FNIP1: variants seen among roughly 807,000 people sequenced by gnomAD.
FNIP1 encodes folliculin-interacting protein 1.
A neutral mutation model predicts 124.5 loss-of-function variants in FNIP1; 40 were observed. The observed-to-expected ratio is 0.32, with a 90% CI of 0.25 to 0.42. The LOEUF (loss-of-function observed/expected upper bound fraction) is 0.42. Ranked by LOEUF, FNIP1 falls within the 10% of genes least tolerant of loss-of-function variation. The probability of loss-of-function intolerance (pLI) is 1.00; values close to 1 mark genes in which losing one functional copy is unlikely to be tolerated. For synonymous variants in FNIP1, 472 were observed against 470.6 expected, an observed-to-expected ratio of 1.00 and a Z score of -0.04; for missense variants, 1,176 against 1,403.7, an observed-to-expected ratio of 0.84 and a Z score of 2.59.
Position 131,671,933 on chromosome 5 carries a change from T to C in FNIP1, c.2511A>G (p.Glu837=). ...SDPESMSLFD[E]YFNDDSIETR... ...TTTCGATTGAATCATCATTAAAATA[T>C]TCGTCGAATAAGCTCATGCTTTCTG... The change falls in exon 14 of 18, where the codon GAA becomes GAG. Residue 837 remains glutamate (E), a synonymous_variant. Transcript: ENST00000510461. 1 of 1,614,240 alleles carries C rather than the reference T, an allele frequency of 6.2e-7. No homozygotes were observed. Among genetic ancestry groups the C allele is most frequent in the Non-Finnish European group, 8.5e-7 (1 of 1,180,040 alleles).
At chr5:131,673,057 T>G in intron 13 of FNIP1, 133 bp from the exon 14 acceptor site, 1 of 652,092 alleles carries the variant, frequency 1.5e-6, no homozygotes, top group Non-Finnish European at 2.4e-6. Flanking sequence ...TTTTGTTTTT[T>G]TTTTTTTTGA....
intron 10 of FNIP1, among the ~76,000 whole-genome samples, chr5:131,700,546 G>A (rs1281810542): frequency 6.6e-6 from 1 of 152,098 alleles, no homozygotes; most frequent in African/African-American, 2.4e-5. Flanking sequence ...AGTGAAACAC[G>A]CTTTATGTTT....
At chr5:131,699,223 A>T (rs1405878218) in intron 10 of FNIP1, among the ~76,000 whole-genome samples, 1 of 152,104 alleles carries the variant, frequency 6.6e-6, no homozygotes, top group East Asian at 1.9e-4. Flanking sequence ...GACTGTTTTC[A>T]ATCTCTTATT....
intron 3 of FNIP1, among the ~76,000 whole-genome samples, chr5:131,728,093 T>C (rs1769948041): frequency 6.6e-6 from 1 of 152,206 alleles, no homozygotes; most frequent in African/African-American, 2.4e-5. Flanking sequence ...AATGTTTCTC[T>C]CCGGCTGCCC....
intron 10 of FNIP1, 88 bp downstream of exon 10, chr5:131,703,977 A>T: frequency 8.6e-7 from 1 of 1,166,560 alleles, no homozygotes; most frequent in Non-Finnish European, 1.2e-6. Context: ...AACGTCTGTT[A>T]ATTTTTCTGC....
At chr5:131,706,598 G>A in intron 8 of FNIP1, 52 bp from the exon 9 acceptor site, 1 of 1,405,228 alleles carries the variant, frequency 7.1e-7, no homozygotes. Flanking sequence ...TAAGCATAAT[G>A]ACAAATTTCT....
intron 2 of FNIP1, among the ~76,000 whole-genome samples, chr5:131,740,122 C>T (rs1236959563): frequency 1.3e-5 from 2 of 152,078 alleles, no homozygotes; most frequent in African/African-American, 4.8e-5. Flanking sequence ...TGTTAAGGTA[C>T]GTTTTTACGT....
intron 10 of FNIP1, among the ~76,000 whole-genome samples, chr5:131,703,252 T>C (rs949141475): frequency 2.0e-5 from 3 of 152,216 alleles, no homozygotes; most frequent in African/African-American, 7.2e-5. Context: ...ATTCAATCAC[T>C]AAAGTGGTTT....
At chr5:131,701,755 A>G (rs1458370865) in intron 10 of FNIP1, among the ~76,000 whole-genome samples, 2 of 152,166 alleles carry the variant, frequency 1.3e-5, no homozygotes, top group Non-Finnish European at 2.9e-5. Flanking sequence ...AAAACGCACT[A>G]CCAAGTGCTC....
chr5:131,675,688 G>A (rs112151234), intron 13 of FNIP1, among the ~76,000 whole-genome samples: 198 of 152,200 alleles, frequency 1.3e-3, no homozygotes, highest in African/African-American at 4.3e-3. Context: ...GTAGGCCAGT[G>A]GCTGCCTAGG....
At chr5:131,688,100 C>T (rs981508940) in intron 11 of FNIP1, among the ~76,000 whole-genome samples, 3 of 147,186 alleles carry the variant, frequency 2.0e-5, no homozygotes, top group Admixed American at 6.7e-5. Context: ...GAAATTCAGA[C>T]TAAAAAAAAA....
intron 15 of FNIP1, among the ~76,000 whole-genome samples, chr5:131,657,337 T>C (rs1401112208): frequency 6.6e-6 from 1 of 152,152 alleles, no homozygotes; most frequent in Admixed American, 6.5e-5. Context: ...AAGAAGTACC[T>C]TGCCAGTAAG....
At chr5:131,705,440 C>T (rs1769074209) in intron 9 of FNIP1, among the ~76,000 whole-genome samples, 1 of 152,048 alleles carries the variant, frequency 6.6e-6, no homozygotes, top group South Asian at 2.1e-4. Flanking sequence ...TGCCACTGCA[C>T]TCCAGCCTGG....
chr5:131,739,746 G>A (rs1229784988), intron 2 of FNIP1, among the ~76,000 whole-genome samples: 2 of 149,054 alleles, frequency 1.3e-5, no homozygotes, highest in Non-Finnish European at 3.0e-5. Context: ...CCAGGAGGCG[G>A]AGCTTGTAGT....
chr5:131,751,552 T>A, intron 1 of FNIP1, among the ~76,000 whole-genome samples: 2 of 147,300 alleles, frequency 1.4e-5, no homozygotes, highest in African/African-American at 2.5e-5. Context: ...ATTTCAGGAG[T>A]GAATGGATTC....
intron 1 of FNIP1, among the ~76,000 whole-genome samples, chr5:131,772,471 G>A (rs1321254506): frequency 6.6e-6 from 1 of 150,538 alleles, no homozygotes; most frequent in Non-Finnish European, 1.5e-5. Context: ...TTGATCTAAA[G>A]GGTAAAATTT....
At chr5:131,745,512 C>G (rs1170042979) in intron 1 of FNIP1, among the ~76,000 whole-genome samples, 1 of 151,704 alleles carries the variant, frequency 6.6e-6, no homozygotes, top group African/African-American at 2.4e-5. Context: ...AGAATGAGAC[C>G]CTGTCTCAAA....
intron 3 of FNIP1, among the ~76,000 whole-genome samples, chr5:131,721,622 C>G (rs929305292): frequency 2.6e-5 from 4 of 152,106 alleles, no homozygotes; most frequent in Admixed American, 2.6e-4. Context: ...CATGGTGAAA[C>G]CCCATCTCTG....
intron 2 of FNIP1, among the ~76,000 whole-genome samples, chr5:131,742,350 G>C (rs181778967): frequency 5.9e-5 from 9 of 152,266 alleles, no homozygotes; most frequent in Non-Finnish European, 1.3e-4. Context: ...TGTAATCCCA[G>C]CTACTCGCAA....
Sources: gnomAD v4.1 joint callset for allele counts (sites outside exome capture counted in the v4.1 genomes callset) on GRCh38, gnomAD v4.1.1 for gene constraint, MANE v1.5 for transcripts, NCBI Gene and HGNC (gene_info 2026-07-23, HGNC 2026-07-21) for gene names.